Variants in SLC26A8 observed in about 807,000 individuals in gnomAD.
SLC26A8 encodes the protein testis anion transporter 1.
A neutral mutation model predicts 105.0 loss-of-function variants in SLC26A8; 70 were observed. That is an observed-to-expected ratio of 0.67 (90% confidence interval 0.55 to 0.81). The LOEUF (loss-of-function observed/expected upper bound fraction) is 0.81, where lower values mean the gene tolerates loss of function less well. SLC26A8 is among the 40% of genes least tolerant of loss of function. The probability of loss-of-function intolerance (pLI) is 0.00; values close to 1 mark genes in which losing one functional copy is unlikely to be tolerated. For missense variants in SLC26A8, 998 were observed against 1,181.8 expected (o/e 0.84, Z 2.28); for synonymous variants, 415 against 438.3 (o/e 0.95, Z 0.66).
chr6:36,019,234 T>C (rs894077270), intron 2 of SLC26A8, among the ~76,000 whole-genome samples: 1 of 152,190 alleles, frequency 6.6e-6, no homozygotes, highest in Non-Finnish European at 1.5e-5. Flanking sequence ...CTGGCTATCT[T>C]ATTTTTGGTC....
chr6:35,968,935 G>A lies in SLC26A8; in HGVS notation c.1307C>T (p.Ala436Val). Reference sequence around the variant, plus strand: ...CACCATCAGGAGCAGCATCACACCTGCGCCTACCAGAGATGCAAACTGAGG... The same window carrying A: ...CACCATCAGGAGCAGCATCACACCTACGCCTACCAGAGATGCAAACTGAGG... Reference protein sequence around the residue: ...GRQQFASLVGAGVMLLLMVKM... With the variant: ...GRQQFASLVGVGVMLLLMVKM... The change falls in exon 11 of 20, where the codon GCA becomes GTA. Residue 436 changes from alanine (A) to valine (V), a missense_variant. Physicochemically the swap from Ala to Val is moderately conservative, Grantham distance 64. Transcript: ENST00000490799. The A allele has an allele frequency of 3.7e-6, 6 of 1,612,196 alleles. No homozygotes were observed. The highest frequency in any genetic ancestry group is 5.1e-6 in the Non-Finnish European group (6 of 1,179,366).
rs1287459407 is a variant in SLC26A8, at chr6:35,992,462, C to G, written c.792+48G>C. The G allele has an allele frequency of 1.9e-6, 3 of 1,566,918 alleles. No individual in the cohort carries two copies. The South Asian group carries it at 3.6e-5, about 19-fold the overall frequency. The stretch of plus-strand genomic sequence containing the variant: ...ACTGAGCTCCACTTTTCTTTGGAGG[C>G]AAGAGGAGTGGCATTTGTAACTCTG... On this transcript the variant is annotated intron_variant, in intron 6 of 19. Transcript: ENST00000490799.
intron 5 of SLC26A8, among the ~76,000 whole-genome samples, chr6:35,996,317 G>A (rs1351316853): frequency 6.6e-6 from 1 of 152,184 alleles, no homozygotes; most frequent in Non-Finnish European, 1.5e-5. Flanking sequence ...TGAGAAAAAA[G>A]AGAAATAAGC....
chr6:36,009,413 A>G (rs1761787279), intron 3 of SLC26A8, among the ~76,000 whole-genome samples: 1 of 152,032 alleles, frequency 6.6e-6, no homozygotes, highest in Non-Finnish European at 1.5e-5. Context: ...CATATCGTCT[A>G]TATGTGTAAT....
intron 14 of SLC26A8, 23 bp from the exon 15 acceptor site, chr6:35,959,829 G>T (rs1188623294): frequency 1.3e-6 from 2 of 1,562,634 alleles, no homozygotes; most frequent in African/African-American, 1.4e-5. Context: ...ATGTGAAGTT[G>T]AGGGAAATTT....
intron 3 of SLC26A8, among the ~76,000 whole-genome samples, chr6:36,009,567 A>G (rs547368478): frequency 2.9e-4 from 44 of 152,326 alleles, no homozygotes; most frequent in African/African-American, 1.0e-3. Flanking sequence ...ATCACCAAAG[A>G]ATTATGAGGG....
chr6:35,999,464 A>G (rs1344582604), intron 4 of SLC26A8, among the ~76,000 whole-genome samples: 1 of 152,230 alleles, frequency 6.6e-6, no homozygotes, highest in East Asian at 1.9e-4. Flanking sequence ...ACCTTTAATT[A>G]GTCTGGCCTC....
intron 11 of SLC26A8, among the ~76,000 whole-genome samples, chr6:35,966,840 A>G (rs777854029): frequency 3.9e-4 from 60 of 152,306 alleles, no homozygotes; most frequent in Non-Finnish European, 7.5e-4. Flanking sequence ...AATGTGATGT[A>G]ATATGGCTAG....
Position 35,957,225 on chromosome 6 carries a change from A to G in SLC26A8, c.1864-1705T>C, listed in dbSNP as rs1581629919. Among the ~76,000 whole-genome samples the G allele has an allele frequency of 2.6e-5, 4 of 152,180 alleles. No individual in the cohort carries two copies. The South Asian group carries it at 8.3e-4, about 32-fold the overall frequency. On this transcript the variant is annotated intron_variant, in intron 16 of 19. Coordinates refer to ENST00000490799, the MANE Select transcript of SLC26A8 (RefSeq NM_052961.4). ...TAACAAGAGTGAAACTCCGTCTCAA[A>G]ATAAAAAGGATAAGTAAGAATATAT... is the stretch of plus-strand genomic sequence containing the variant.
intron 8 of SLC26A8, 91 bp from the exon 9 acceptor site, chr6:35,977,442 C>A: frequency 4.3e-4 from 389 of 899,272 alleles, no homozygotes; most frequent in Middle Eastern, 5.5e-4. Context: ...TGTCCTGATT[C>A]TTTTTTTTTT....
At chr6:36,007,452 A>G (rs890918725) in intron 3 of SLC26A8, among the ~76,000 whole-genome samples, 2 of 152,212 alleles carry the variant, frequency 1.3e-5, no homozygotes, top group African/African-American at 4.8e-5. Context: ...AAATCAAGGG[A>G]CCTAAATAAA....
chr6:35,992,692 C>A lies in SLC26A8; in HGVS notation c.628-18G>T, dbSNP rs758791605. 1.9e-6 allele frequency: 3 copies of A among 1,591,532 alleles called. No homozygotes were observed. In the South Asian group the frequency reaches 3.4e-5, roughly 18 times the overall value. On this transcript the variant is annotated intron_variant, in intron 5 of 19. Transcript: ENST00000490799. Reference sequence around the variant, plus strand: ...ATTATTAGCTGCAGAGAAGAGAAAACCAGAGTGGGGTAGAATGTCTTCAAT... The same window carrying A: ...ATTATTAGCTGCAGAGAAGAGAAAAACAGAGTGGGGTAGAATGTCTTCAAT...
intron 3 of SLC26A8, among the ~76,000 whole-genome samples, chr6:36,002,865 G>A (rs181812313): frequency 3.7e-4 from 56 of 151,904 alleles, no homozygotes; most frequent in African/African-American, 1.2e-3. Flanking sequence ...CACCATGCCC[G>A]GCTAATTTTT....
chr6:35,946,023 A>G (rs991547227), intron 19 of SLC26A8, among the ~76,000 whole-genome samples: 22 of 152,210 alleles, frequency 1.4e-4, no homozygotes, highest in African/African-American at 4.8e-4. Flanking sequence ...AGATGTTGGT[A>G]TGCCCCAGGG....
intron 11 of SLC26A8, among the ~76,000 whole-genome samples, chr6:35,964,200 C>T (rs1772415231): frequency 6.6e-6 from 1 of 152,194 alleles, no homozygotes. Context: ...AGAGCAAGAC[C>T]CTGTCTCACA....
rs559387115 is a variant in SLC26A8 at position 36,002,666 on chromosome 6, G to A, written c.329-2558C>T. ...ATATTATAAATAAAGCCTTTGTTGC[G>A]TATTGTTTTGCAAGTATCTCCCATT... On this transcript the variant is annotated intron_variant, in intron 3 of 19. Transcript: ENST00000490799. 3.3e-5 allele frequency among the ~76,000 whole-genome samples: 5 copies of A among 150,108 alleles called. No individual in the cohort carries two copies. The South Asian group carries it at 6.3e-4, about 19-fold the overall frequency.
At chr6:35,953,980 T>C (rs1431541031) in intron 17 of SLC26A8, among the ~76,000 whole-genome samples, 1 of 151,954 alleles carries the variant, frequency 6.6e-6, no homozygotes, top group Non-Finnish European at 1.5e-5. Flanking sequence ...AAGGCACAAA[T>C]CTCAAAAGAG....
At chr6:35,982,777 G>A (rs1581660945) in intron 7 of SLC26A8, among the ~76,000 whole-genome samples, 1 of 152,138 alleles carries the variant, frequency 6.6e-6, no homozygotes, top group South Asian at 2.1e-4. Flanking sequence ...TTAGGGGCTT[G>A]TTGAGGTATA....
intron 5 of SLC26A8, among the ~76,000 whole-genome samples, chr6:35,997,228 C>T (rs768156588): frequency 6.6e-6 from 1 of 152,130 alleles, no homozygotes; most frequent in Non-Finnish European, 1.5e-5. Context: ...TCTCCACCTT[C>T]TGTCAGATCA....
Sources: allele counts gnomAD v4.1 joint callset (sites outside exome capture counted in the v4.1 genomes callset), GRCh38; gene constraint gnomAD v4.1.1; transcripts MANE v1.5; gene names NCBI Gene and HGNC (gene_info 2026-07-23, HGNC 2026-07-21).